FRMD4A: variants seen among roughly 807,000 people sequenced by gnomAD.
FRMD4A encodes FERM domain containing 4A, also known as FERM domain-containing protein 4A.
A neutral mutation model predicts 129.1 loss-of-function variants in FRMD4A; 29 were observed. The ratio of observed to expected loss-of-function variants is 0.22; its 90% CI spans 0.17 to 0.31. The LOEUF (loss-of-function observed/expected upper bound fraction) is 0.31, where lower values mean the gene tolerates loss of function less well. Among genes scored for constraint, FRMD4A ranks in the 10% least tolerant of loss-of-function variants. FRMD4A has a pLI of 1.00. For missense variants in FRMD4A, 1,272 were observed against 1,375.8 expected (o/e 0.92, Z 1.19); for synonymous variants, 634 against 571.6 (o/e 1.11, Z -1.56).
intron 2 of FRMD4A, among the ~76,000 whole-genome samples, chr10:13,861,567 G>A (rs567673282): frequency 6.5e-4 from 99 of 152,278 alleles, no homozygotes; most frequent in Non-Finnish European, 1.1e-3. Flanking sequence ...ACACTCCAAC[G>A]AACAGATTAA....
intron 2 of FRMD4A, among the ~76,000 whole-genome samples, chr10:14,155,808 G>A (rs368733911): frequency 1.3e-5 from 2 of 152,106 alleles, no homozygotes; most frequent in African/African-American, 2.4e-5. Context: ...TTTTCAGAAC[G>A]CAATAAAACA....
chr10:14,302,934 G>C (rs560908705), intron 2 of FRMD4A, among the ~76,000 whole-genome samples: 1 of 152,134 alleles, frequency 6.6e-6, no homozygotes, highest in South Asian at 2.1e-4. Flanking sequence ...GGACTCTTCA[G>C]AAAAAAATGA....
chr10:14,211,277 T>G (rs1048780209), intron 2 of FRMD4A, among the ~76,000 whole-genome samples: 1 of 152,230 alleles, frequency 6.6e-6, no homozygotes, highest in Non-Finnish European at 1.5e-5. Flanking sequence ...TGGCAGGTAC[T>G]GTCATAATCC....
chr10:13,921,202 TTCTC>T (rs772826022), intron 2 of FRMD4A, among the ~76,000 whole-genome samples: 3 of 151,684 alleles, frequency 2.0e-5, no homozygotes, highest in Non-Finnish European at 2.9e-5. Context: ...CTTTTTAGTT[TTCTC>T]TCTCTTTTTC....
chr10:13,831,155 A>G (rs1168751074), intron 3 of FRMD4A, among the ~76,000 whole-genome samples: 1 of 152,188 alleles, frequency 6.6e-6, no homozygotes, highest in Non-Finnish European at 1.5e-5. Flanking sequence ...GCACACACAC[A>G]CAGAGAGGCA....
chr10:13,679,155 G>A (rs540582102), intron 15 of FRMD4A, among the ~76,000 whole-genome samples: 102 of 151,814 alleles, frequency 6.7e-4, no homozygotes, highest in Middle Eastern at 3.4e-3. Context: ...TGGGCGCGGT[G>A]GCTCACGCTT....
At chr10:14,052,429 A>G (rs1834304182) in intron 2 of FRMD4A, among the ~76,000 whole-genome samples, 1 of 152,222 alleles carries the variant, frequency 6.6e-6, no homozygotes, top group Non-Finnish European at 1.5e-5. Context: ...AGGCTGTACA[A>G]GCATGGCATC....
intron 4 of FRMD4A, among the ~76,000 whole-genome samples, chr10:13,800,258 C>T (rs1321137477): frequency 6.6e-6 from 1 of 152,140 alleles, no homozygotes; most frequent in Non-Finnish European, 1.5e-5. Flanking sequence ...AAATTATCCC[C>T]CAAAACCTAG....
In FRMD4A at chr10:13,657,196, G is replaced by A; in HGVS notation, c.2393C>T (p.Ser798Leu). The change falls in exon 22 of 25, where the codon TCG becomes TTG. Residue 798 changes from serine to leucine, a missense_variant. Physicochemically the swap from Ser to Leu is moderately radical, Grantham distance 145 (BLOSUM62 -2). Transcript: ENST00000357447. The stretch of plus-strand genomic sequence containing the variant: ...CGCCGCCAGGTTGGGCATGCTGCCC[G>A]AGCTGGCTGAGCCCAGTGCGCCCGC... ...RAAGALGSAS[S>L]GSMPNLAARG... is the part of the protein sequence containing the mutation. 3 of 1,474,016 alleles carry A rather than the reference G, an allele frequency of 2.0e-6. No individual in the cohort carries two copies. Among genetic ancestry groups the A allele is most frequent in the Non-Finnish European group, 2.7e-6 (3 of 1,112,564 alleles). The allele number at this position is 1,474,016 out of a possible 1,614,324, so 91.3% of individuals were successfully genotyped here. A position where few individuals can be genotyped will look rare whatever the true frequency, so the allele number is the denominator to read the frequency against.
intron 13 of FRMD4A, among the ~76,000 whole-genome samples, chr10:13,706,383 A>T (rs929535440): frequency 2.0e-5 from 3 of 152,134 alleles, no homozygotes; most frequent in Admixed American, 6.6e-5. Context: ...GGCTCCCTGC[A>T]TTCCAACCTG....
At chr10:13,685,733 A>G in intron 15 of FRMD4A, 1 of 603,336 alleles carries the variant, frequency 1.7e-6, no homozygotes, top group Non-Finnish European at 2.1e-6. Flanking sequence ...GCTTAAGCCC[A>G]GGAGTTTGAG....
At chr10:14,061,769 G>T (rs1834826785) in intron 2 of FRMD4A, among the ~76,000 whole-genome samples, 2 of 152,282 alleles carry the variant, frequency 1.3e-5, no homozygotes, top group African/African-American at 4.8e-5. Context: ...TTGTCACGTG[G>T]TACCTGGAAC....
intron 2 of FRMD4A, among the ~76,000 whole-genome samples, chr10:13,874,614 A>G (rs2094471394): frequency 1.3e-5 from 2 of 152,230 alleles, no homozygotes. Context: ...AGATAAAATC[A>G]TTTAGTTAGT....
At chr10:14,240,553 G>A (rs773924525) in intron 2 of FRMD4A, among the ~76,000 whole-genome samples, 2 of 152,164 alleles carry the variant, frequency 1.3e-5, no homozygotes, top group Non-Finnish European at 2.9e-5. Flanking sequence ...GTCTCCTGAT[G>A]GAGGTTCAAG....
At position 13,921,546 on chromosome 10, in the gene FRMD4A, C is replaced by G. The variant is rs550702239; in HGVS notation, c.46-62634G>C. 1.3e-3 allele frequency among the ~76,000 whole-genome samples: 191 copies of G among 152,296 alleles called. 2 individuals are homozygous for G. Among genetic ancestry groups the G allele is most frequent in the Non-Finnish European group, 1.5e-3 (100 of 68,030 alleles). On this transcript the variant is annotated intron_variant, in intron 2 of 24. Transcript: ENST00000357447. ...GAAGTGTTGGAATTATAGGCATGAGCCACCATGTCTGGGCTGGTGCCTCTT... is the reference window on the plus strand; with the variant it reads ...GAAGTGTTGGAATTATAGGCATGAGGCACCATGTCTGGGCTGGTGCCTCTT...
At chr10:14,185,603 A>T (rs11258926) in intron 2 of FRMD4A, among the ~76,000 whole-genome samples, 1,751 of 141,888 alleles carry the variant, frequency 0.012, 33 homozygotes, top group East Asian at 0.065. Context: ...AAACAGGTAG[A>T]GAGACAGAAA....
At chr10:14,025,935 A>C (rs1484292618) in intron 2 of FRMD4A, among the ~76,000 whole-genome samples, 1 of 152,188 alleles carries the variant, frequency 6.6e-6, no homozygotes, top group Non-Finnish European at 1.5e-5. Flanking sequence ...CAGGCCTGAG[A>C]AAATCTCTCA....
At chr10:13,675,068 T>C in intron 15 of FRMD4A, 24 bp from the exon 16 acceptor site, 1 of 1,608,180 alleles carries the variant, frequency 6.2e-7, no homozygotes, top group Non-Finnish European at 8.5e-7. Context: ...GTGGGGTTAC[T>C]TGGCCAGCTG....
chr10:14,251,253 G>A (rs1844430527), intron 2 of FRMD4A, among the ~76,000 whole-genome samples: 2 of 152,184 alleles, frequency 1.3e-5, no homozygotes, highest in African/African-American at 4.8e-5. Context: ...TCTGGGATTT[G>A]ATTATAAAAA....
Sources: gnomAD v4.1 joint callset for allele counts (sites outside exome capture counted in the v4.1 genomes callset) on GRCh38, gnomAD v4.1.1 for gene constraint, MANE v1.5 for transcripts, NCBI Gene and HGNC (gene_info 2026-07-23, HGNC 2026-07-21) for gene names.